The following DTNB variants were observed in gnomAD, a reference collection of about 807,000 sequenced individuals.
DTNB encodes dystrobrevin beta, also known as DTN-B.
DTNB carries 63 observed loss-of-function variants against 90.7 expected under a neutral mutation model. That is an observed-to-expected ratio of 0.69 (90% CI 0.57 to 0.86). The LOEUF is 0.86. Ranked by LOEUF, DTNB falls within the 40% of genes least tolerant of loss-of-function variation. The pLI is 0.00. For missense variants in DTNB, 744 were observed against 807.1 expected, an observed-to-expected ratio of 0.92 and a Z score of 0.95; for synonymous variants, 277 against 286.7, an observed-to-expected ratio of 0.97 and a Z score of 0.34.
At chr2:25,584,367 A>G (rs533416805) in intron 6 of DTNB, among the ~76,000 whole-genome samples, 2 of 152,316 alleles carry the variant, frequency 1.3e-5, no homozygotes, top group East Asian at 3.9e-4. Context: ...TGAATGGATA[A>G]GCAAACATGG....
chr2:25,533,291 C>T (rs1398985890), intron 8 of DTNB, among the ~76,000 whole-genome samples: 1 of 152,152 alleles, frequency 6.6e-6, no homozygotes, highest in African/African-American at 2.4e-5. Context: ...GTGCCAACTA[C>T]ACCCCACCCT....
At chr2:25,564,973 A>C (rs1396673324) in intron 8 of DTNB, among the ~76,000 whole-genome samples, 3 of 152,178 alleles carry the variant, frequency 2.0e-5, no homozygotes, top group African/African-American at 7.2e-5. Context: ...GTATCTTATA[A>C]ACTTGGTAAA....
At position 25,596,215 on chromosome 2, in the gene DTNB, G is replaced by C; in HGVS notation, c.474C>G (p.Ser158=). The part of the protein sequence containing the change: ...LRYVFSQMSD[S]NGLMIFSKFD... ...ACTTGCTAAATATCATTAAGCCATT[G>C]GAATCTGACATCTGGGAGAAAACAT... The change falls in exon 6 of 21, where the codon TCC becomes TCG. Residue 158 remains serine (S), a synonymous_variant. Transcript: ENST00000406818. 2 of 1,609,840 alleles carry C rather than the reference G, an allele frequency of 1.2e-6. No individual in the cohort carries two copies. The highest frequency in any genetic ancestry group is 1.7e-6 in the Non-Finnish European group (2 of 1,178,290).
rs545714215 is a variant in DTNB at position 25,639,048 on chromosome 2, G to C, written c.114C>G (p.Ala38=). ...GTTTTTGTACAAATCGTAATTTGCA[G>C]GCTGTTCTGTAAGTTGATAGTCGTA... is the stretch of plus-strand genomic sequence containing the variant. The part of the protein sequence containing the change: ...DVIRLSTYRT[A]CKLRFVQKRC... The change falls in exon 3 of 21, where the codon GCC becomes GCG. Residue 38 remains alanine, a synonymous_variant. Coordinates refer to ENST00000406818, the MANE Select transcript of DTNB (RefSeq NM_021907.5). 2.5e-6 allele frequency: 4 copies of C among 1,594,104 alleles called. No individual in the cohort carries two copies. The African/African-American group carries it at 4.0e-5, about 16-fold the overall frequency.
intron 16 of DTNB, among the ~76,000 whole-genome samples, chr2:25,414,126 TA>T (rs1471380801): frequency 4.7e-4 from 72 of 152,356 alleles, no homozygotes; most frequent in African/African-American, 1.3e-3. Flanking sequence ...TTGATGGGGT[TA>T]TTTTTTTTCC....
chr2:25,440,217 G>A (rs1048387586), intron 12 of DTNB, among the ~76,000 whole-genome samples: 7 of 152,154 alleles, frequency 4.6e-5, no homozygotes, highest in African/African-American at 1.4e-4. Context: ...AACAAGACTC[G>A]TCTGTTCCTC....
chr2:25,419,650 A>G, intron 15 of DTNB, 115 bp from the exon 16 acceptor site: 1 of 1,360,836 alleles, frequency 7.3e-7, no homozygotes, highest in Non-Finnish European at 9.9e-7. Context: ...CAGGCAAACC[A>G]GGCCAGGCCC....
At chr2:25,577,567 T>C (rs1035878981) in intron 7 of DTNB, among the ~76,000 whole-genome samples, 1 of 152,126 alleles carries the variant, frequency 6.6e-6, no homozygotes, top group Admixed American at 6.5e-5. Context: ...AGACTAATGA[T>C]TCTAATCTAA....
intron 9 of DTNB, among the ~76,000 whole-genome samples, chr2:25,530,345 G>T (rs914736392): frequency 6.6e-6 from 1 of 152,136 alleles, no homozygotes; most frequent in Non-Finnish European, 1.5e-5. Context: ...GCTGAAGTGG[G>T]AGGATCACTT....
At chr2:25,522,568 G>A (rs2076343322) in intron 9 of DTNB, among the ~76,000 whole-genome samples, 2 of 152,064 alleles carry the variant, frequency 1.3e-5, no homozygotes, top group African/African-American at 4.8e-5. Flanking sequence ...AACTTTATTT[G>A]AAGGAAAAGA....
intron 9 of DTNB, among the ~76,000 whole-genome samples, chr2:25,518,687 C>A (rs1213275189): frequency 6.6e-6 from 1 of 152,148 alleles, no homozygotes; most frequent in Non-Finnish European, 1.5e-5. Flanking sequence ...TGATGCATAG[C>A]CCTCTTTGCT....
intron 5 of DTNB, among the ~76,000 whole-genome samples, chr2:25,596,744 G>A (rs1348999438): frequency 6.6e-6 from 1 of 152,100 alleles, no homozygotes; most frequent in Non-Finnish European, 1.5e-5. Context: ...ACATCTGAAG[G>A]AGCCATAGAG....
At chr2:25,648,149 G>A (rs1250553688) in intron 2 of DTNB, among the ~76,000 whole-genome samples, 1 of 152,106 alleles carries the variant, frequency 6.6e-6, no homozygotes, top group Non-Finnish European at 1.5e-5. Flanking sequence ...TGGCACCAGA[G>A]TTGAGGATTA....
intron 10 of DTNB, among the ~76,000 whole-genome samples, chr2:25,471,156 G>A (rs528876525): frequency 6.6e-6 from 1 of 152,300 alleles, no homozygotes; most frequent in South Asian, 2.1e-4. Flanking sequence ...GCGTGTGAGA[G>A]AGACAAACAA....
chr2:25,607,144 G>T, intron 5 of DTNB, 92 bp downstream of exon 5: 1 of 1,374,084 alleles, frequency 7.3e-7, no homozygotes, highest in South Asian at 1.4e-5. Context: ...TTTTTTAAAA[G>T]CTCAATATAA....
intron 16 of DTNB, among the ~76,000 whole-genome samples, chr2:25,391,863 C>T (rs999802120): frequency 6.6e-6 from 1 of 152,132 alleles, no homozygotes; most frequent in Non-Finnish European, 1.5e-5. Context: ...TTTAAAAATT[C>T]TTTGAACTGA....
chr2:25,442,646 T>C (rs781293769), intron 12 of DTNB, among the ~76,000 whole-genome samples: 6 of 152,218 alleles, frequency 3.9e-5, no homozygotes, highest in Admixed American at 2.0e-4. Context: ...ACCAAAAACA[T>C]TGGTTATGTA....
chr2:25,461,797 A>C (rs1471231006), intron 10 of DTNB, among the ~76,000 whole-genome samples: 1 of 152,242 alleles, frequency 6.6e-6, no homozygotes, highest in Non-Finnish European at 1.5e-5. Context: ...CAAATGTAGT[A>C]AGTGTTTTGA....
At chr2:25,581,385 GA>G (rs1373704137) in intron 6 of DTNB, among the ~76,000 whole-genome samples, 1 of 151,880 alleles carries the variant, frequency 6.6e-6, no homozygotes, top group Non-Finnish European at 1.5e-5. Flanking sequence ...TGACAGAAGA[GA>G]AAACAGAAGC....
Sources: gnomAD v4.1 joint callset for allele counts (sites outside exome capture counted in the v4.1 genomes callset) on GRCh38, gnomAD v4.1.1 for gene constraint, MANE v1.5 for transcripts, NCBI Gene and HGNC (gene_info 2026-07-23, HGNC 2026-07-21) for gene names.